The following SLCO5A1 variants were observed in gnomAD, a reference collection of about 807,000 sequenced individuals.
SLCO5A1 encodes the protein solute carrier organic anion transporter family member 5A1.
A neutral mutation model predicts 65.1 loss-of-function variants in SLCO5A1; 39 were observed. The ratio of observed to expected loss-of-function variants is 0.60; its 90% confidence interval spans 0.46 to 0.78. The LOEUF is 0.78. SLCO5A1 is among the 30% of genes least tolerant of loss of function. The pLI, the probability that SLCO5A1 is intolerant of heterozygous loss-of-function variation, is 0.00. For synonymous variants in SLCO5A1, 438 were observed against 415.7 expected (o/e 1.05, Z -0.65); for missense variants, 1,029 against 1,069.4 (o/e 0.96, Z 0.53).
intron 2 of SLCO5A1, among the ~76,000 whole-genome samples, chr8:69,818,352 A>C (rs1372029715): frequency 6.6e-6 from 1 of 152,198 alleles, no homozygotes; most frequent in Non-Finnish European, 1.5e-5. Context: ...TGGCCCTTGG[A>C]TTAGCAGCAA....
intron 3 of SLCO5A1, among the ~76,000 whole-genome samples, chr8:69,755,951 A>G (rs1311129517): frequency 2.6e-5 from 4 of 152,216 alleles, no homozygotes; most frequent in African/African-American, 9.6e-5. Context: ...ACCTTCTACA[A>G]TGTGTATTTT....
chr8:69,789,037 A>G (rs369103281), intron 2 of SLCO5A1, among the ~76,000 whole-genome samples: 1 of 152,134 alleles, frequency 6.6e-6, no homozygotes, highest in African/African-American at 2.4e-5. Context: ...ATCCCCAAAC[A>G]TATGTATTTA....
At chr8:69,814,392 T>C (rs762524346) in intron 2 of SLCO5A1, among the ~76,000 whole-genome samples, 3 of 151,990 alleles carry the variant, frequency 2.0e-5, no homozygotes, top group Non-Finnish European at 4.4e-5. Context: ...AAAGAACACA[T>C]ACAAATGACC....
intron 2 of SLCO5A1, among the ~76,000 whole-genome samples, chr8:69,783,926 A>C (rs974032481): frequency 1.3e-5 from 2 of 152,132 alleles, no homozygotes; most frequent in Non-Finnish European, 2.9e-5. Context: ...TGGCAATGTA[A>C]GTTCATCACT....
intron 4 of SLCO5A1, among the ~76,000 whole-genome samples, chr8:69,752,538 T>C (rs1233340882): frequency 1.3e-5 from 2 of 152,190 alleles, no homozygotes. Context: ...AGGTGATATG[T>C]ATTAGATACA....
chr8:69,809,901 G>A (rs948529719), intron 2 of SLCO5A1, among the ~76,000 whole-genome samples: 14 of 152,094 alleles, frequency 9.2e-5, no homozygotes, highest in South Asian at 4.1e-4. Context: ...ACGAGAGCAG[G>A]GGAATATGGA....
intron 6 of SLCO5A1, 30 bp downstream of exon 6, chr8:69,705,001 G>T: frequency 6.3e-7 from 1 of 1,596,292 alleles, no homozygotes; most frequent in Non-Finnish European, 8.5e-7. Flanking sequence ...CCATCGTGCA[G>T]ACACGACACG....
chr8:69,710,900 G>A (rs2130815913), intron 5 of SLCO5A1, among the ~76,000 whole-genome samples: 1 of 152,236 alleles, frequency 6.6e-6, no homozygotes, highest in South Asian at 2.1e-4. Context: ...CGCGAATATG[G>A]ACATTGCTTG....
chr8:69,722,473 T>C (rs1815871599), intron 5 of SLCO5A1, among the ~76,000 whole-genome samples: 1 of 152,206 alleles, frequency 6.6e-6, no homozygotes, highest in African/African-American at 2.4e-5. Context: ...TAATATTATT[T>C]AATCTTATGG....
At chr8:69,776,456 GC>G (rs1234734398) in intron 2 of SLCO5A1, among the ~76,000 whole-genome samples, 1 of 152,114 alleles carries the variant, frequency 6.6e-6, no homozygotes, top group Non-Finnish European at 1.5e-5. Flanking sequence ...ATTTTGCAAG[GC>G]CAAGGCTGGC....
At chr8:69,771,720 G>A (rs554545306) in intron 2 of SLCO5A1, among the ~76,000 whole-genome samples, 28 of 152,222 alleles carry the variant, frequency 1.8e-4, no homozygotes, top group African/African-American at 4.1e-4. Context: ...GATGCCCCTC[G>A]GGCTCATCCA....
intron 3 of SLCO5A1, among the ~76,000 whole-genome samples, chr8:69,760,091 G>A (rs1474751302): frequency 6.6e-6 from 1 of 152,180 alleles, no homozygotes; most frequent in Non-Finnish European, 1.5e-5. Flanking sequence ...CCCTCCAGAT[G>A]TTTCCCTGTC....
At chr8:69,824,503 C>A (rs1472315004) in intron 2 of SLCO5A1, among the ~76,000 whole-genome samples, 10 of 152,194 alleles carry the variant, frequency 6.6e-5, no homozygotes, top group East Asian at 1.9e-4. Flanking sequence ...AAACACCTCT[C>A]CGCAAATAAA....
intron 1 of SLCO5A1, among the ~76,000 whole-genome samples, chr8:69,834,617 G>A (rs1469138937): frequency 6.6e-6 from 1 of 152,126 alleles, no homozygotes; most frequent in Non-Finnish European, 1.5e-5. Context: ...CTGCTTAGGC[G>A]AGCGCCCTCA....
At position 69,831,893 on chromosome 8, in the gene SLCO5A1, A is replaced by G. The variant is rs1586847932; in HGVS notation, c.781T>C (p.Trp261Arg). The G allele has an allele frequency of 6.2e-7, 1 of 1,610,788 alleles. No homozygotes were observed. The highest frequency in any genetic ancestry group is 8.5e-7 in the Non-Finnish European group (1 of 1,179,134). The change falls in exon 2 of 10, where the codon TGG (tryptophan) becomes CGG (arginine). Residue 261 changes from tryptophan to arginine, a missense_variant. By Grantham distance (101) the Trp-to-Arg change is moderately radical. Transcript: ENST00000260126. ...CPKDSGGNNHWVYVALFICAQ... is the reference protein window; with the variant it reads ...CPKDSGGNNHRVYVALFICAQ... ...CAAATGAATAAAGCCACGTAGACCC[A>G]GTGATTATTTCCTCCCGAGTCCTTC... is the stretch of plus-strand genomic sequence containing the variant.
intron 2 of SLCO5A1, among the ~76,000 whole-genome samples, chr8:69,803,442 G>A (rs182960884): frequency 5.9e-5 from 9 of 152,034 alleles, no homozygotes; most frequent in African/African-American, 9.6e-5. Context: ...GCCCGGCATG[G>A]TGCCGGGTTC....
At chr8:69,773,803 C>T (rs1002560089) in intron 2 of SLCO5A1, among the ~76,000 whole-genome samples, 1 of 152,158 alleles carries the variant, frequency 6.6e-6, no homozygotes, top group Non-Finnish European at 1.5e-5. Flanking sequence ...ACTCAGATAC[C>T]CTTCTCCCTG....
At chr8:69,804,335 A>C (rs1819893647) in intron 2 of SLCO5A1, among the ~76,000 whole-genome samples, 1 of 152,032 alleles carries the variant, frequency 6.6e-6, no homozygotes, top group Non-Finnish European at 1.5e-5. Flanking sequence ...TTTTAGAAGG[A>C]GTCTCACTCA....
chr8:69,765,116 A>G (rs562709628), intron 2 of SLCO5A1, among the ~76,000 whole-genome samples: 138 of 152,242 alleles, frequency 9.1e-4, no homozygotes, highest in African/African-American at 3.3e-3. Context: ...ACTCCCATAT[A>G]TATCTGTGTG....
Sources: gnomAD v4.1 joint callset for allele counts (sites outside exome capture counted in the v4.1 genomes callset) on GRCh38, gnomAD v4.1.1 for gene constraint, MANE v1.5 for transcripts, NCBI Gene and HGNC (gene_info 2026-07-23, HGNC 2026-07-21) for gene names.